KCNQ3: variants seen among roughly 807,000 people sequenced by gnomAD.
KCNQ3 encodes the protein potassium voltage-gated channel subfamily Q member 3.
In KCNQ3, 30 loss-of-function variants were observed where a neutral mutation model predicts 92.5. The ratio of observed to expected loss-of-function variants is 0.32; its 90% confidence interval spans 0.24 to 0.44. The LOEUF (loss-of-function observed/expected upper bound fraction) is 0.44, where lower values mean the gene tolerates loss of function less well. Among genes scored for constraint, KCNQ3 ranks in the 20% least tolerant of loss-of-function variants. The pLI is 1.00. For synonymous variants in KCNQ3, 450 were observed against 468.8 expected (o/e 0.96, Z 0.52); for missense variants, 913 against 1,140.3 (o/e 0.80, Z 2.87).
intron 9 of KCNQ3, 140 bp from the exon 10 acceptor site, chr8:132,141,471 C>T: frequency 1.3e-6 from 1 of 789,636 alleles, no homozygotes. Flanking sequence ...TCTGACTCAG[C>T]AGCTTGGAAT....
chr8:132,260,147 A>G (rs990173766), intron 1 of KCNQ3, among the ~76,000 whole-genome samples: 1 of 152,184 alleles, frequency 6.6e-6, no homozygotes, highest in African/African-American at 2.4e-5. Context: ...ACCATGATCA[A>G]CTGGCTTCAA....
rs1396302862 is a variant in KCNQ3 at position 132,388,014 on chromosome 8, GGAAGAGGAAGAAGAA to G, written c.386+92118_386+92132del. Among the ~76,000 whole-genome samples, 4 of 143,878 alleles carry G rather than the reference GGAAGAGGAAGAAGAA, an allele frequency of 2.8e-5. No individual in the cohort carries two copies. The East Asian group carries it at 6.0e-4, about 22-fold the overall frequency. 94.4% of individuals were successfully genotyped at this position (143,878 alleles called of 152,430 possible). On this transcript the variant is annotated intron_variant, in intron 1 of 14. Coordinates refer to ENST00000388996, the MANE Select transcript of KCNQ3 (RefSeq NM_004519.4). ...AAGAGGAAGAAGAAGAAGAGGAAGAGGAAGAGGAAGAAGAAGAAGAGGAAGAGGAAGAAGAAGAAG... is the reference window on the plus strand; with the variant it reads ...AAGAGGAAGAAGAAGAAGAGGAAGAGGAAGAGGAAGAGGAAGAAGAAGAAG...
intron 1 of KCNQ3, among the ~76,000 whole-genome samples, chr8:132,393,967 A>G (rs1820119076): frequency 6.6e-6 from 1 of 152,202 alleles, no homozygotes; most frequent in South Asian, 2.1e-4. Flanking sequence ...AGGGTTTGCC[A>G]GCTACCTACT....
intron 1 of KCNQ3, among the ~76,000 whole-genome samples, chr8:132,354,448 G>A (rs1281530272): frequency 1.3e-5 from 2 of 152,138 alleles, no homozygotes; most frequent in Admixed American, 6.5e-5. Context: ...CAAAACAGGG[G>A]GCATTAGTTA....
chr8:132,128,075 T>A lies in KCNQ3; in HGVS notation c.*1187A>T, dbSNP rs1350351114. On this transcript the variant is annotated 3_prime_UTR_variant, in exon 15 of 15. Transcript: ENST00000388996. ...TTTGCAATAAAAGTGGAAATCCCCC[T>A]CCTGCTGGATAAACTGGGTGCTTTC... 1 of 152,182 alleles carries A rather than the reference T, an allele frequency of 6.6e-6. No individual in the cohort carries two copies. The highest frequency in any genetic ancestry group is 6.5e-5 in the Admixed American group (1 of 15,282). The allele number at this position is 152,182 out of a possible 1,614,324, so 9.4% of individuals were successfully genotyped here. A position where few individuals can be genotyped will look rare whatever the true frequency, so the allele number is the denominator to read the frequency against.
intron 1 of KCNQ3, among the ~76,000 whole-genome samples, chr8:132,267,004 A>G (rs953959354): frequency 6.6e-6 from 1 of 152,196 alleles, no homozygotes; most frequent in Non-Finnish European, 1.5e-5. Context: ...AAGGCTAAAG[A>G]AAACATTTTC....
At chr8:132,458,288 C>T (rs1341132929) in intron 1 of KCNQ3, among the ~76,000 whole-genome samples, 1 of 152,200 alleles carries the variant, frequency 6.6e-6, no homozygotes, top group African/African-American at 2.4e-5. Context: ...AAATAAACAC[C>T]TTCCCATCAT....
intron 9 of KCNQ3, among the ~76,000 whole-genome samples, chr8:132,143,005 C>T (rs893692087): frequency 2.0e-5 from 3 of 152,104 alleles, no homozygotes; most frequent in African/African-American, 7.2e-5. Context: ...TGCCTACAGT[C>T]CAGCATACGG....
chr8:132,390,822 A>G (rs1186896957), intron 1 of KCNQ3, among the ~76,000 whole-genome samples: 1 of 152,246 alleles, frequency 6.6e-6, no homozygotes, highest in African/African-American at 2.4e-5. Context: ...TGGTATCTTT[A>G]TAATAATAAA....
In KCNQ3 at chr8:132,203,787, G is replaced by A. The variant is rs72719113; in HGVS notation, c.387-17606C>T. ...TCCATTTCTCCATCTGTAAAATAGG[G>A]ATAATAAAATGTTTAGTCTAGTGCT... On this transcript the variant is annotated intron_variant, in intron 1 of 14. Coordinates refer to ENST00000388996, the MANE Select transcript of KCNQ3 (RefSeq NM_004519.4). Among the ~76,000 whole-genome samples, 779 of 152,258 alleles carry A rather than the reference G, an allele frequency of 5.1e-3. 4 individuals carry two copies. Among genetic ancestry groups the A allele is most frequent in the Non-Finnish European group, 9.0e-3 (615 of 68,030 alleles).
intron 8 of KCNQ3, among the ~76,000 whole-genome samples, chr8:132,168,339 A>G (rs1039412561): frequency 9.2e-5 from 14 of 152,220 alleles, no homozygotes; most frequent in Non-Finnish European, 2.1e-4. Flanking sequence ...TCTCTGGCTC[A>G]TCTAGCTTCT....
intron 1 of KCNQ3, among the ~76,000 whole-genome samples, chr8:132,353,516 C>A (rs1818934295): frequency 6.6e-6 from 1 of 152,164 alleles, no homozygotes; most frequent in African/African-American, 2.4e-5. Context: ...GTCTCATTTT[C>A]TCAACTGTAA....
intron 1 of KCNQ3, among the ~76,000 whole-genome samples, chr8:132,225,367 G>A (rs1323031053): frequency 6.6e-6 from 1 of 152,180 alleles, no homozygotes; most frequent in Admixed American, 6.5e-5. Flanking sequence ...TTTTTAGGGA[G>A]TGAGAAGGAG....
chr8:132,163,701 G>A (rs1563781269), intron 8 of KCNQ3, among the ~76,000 whole-genome samples: 2 of 152,182 alleles, frequency 1.3e-5, no homozygotes, highest in Non-Finnish European at 2.9e-5. Context: ...TGGCTCTGAG[G>A]TTTTCAGGGC....
chr8:132,456,464 GGTGT>G lies in KCNQ3; in HGVS notation c.386+23679_386+23682del, dbSNP rs34858367. 6.7e-3 allele frequency among the ~76,000 whole-genome samples: 997 copies of G among 149,414 alleles called. 13 individuals carry two copies. Among genetic ancestry groups the G allele is most frequent in the Non-Finnish European group, 0.011 (732 of 67,186 alleles). On this transcript the variant is annotated intron_variant, in intron 1 of 14. Transcript: ENST00000388996. Reference sequence around the variant, plus strand: ...CAAACACCAGGGCTCGGGGATTGAGGGTGTGTGTGTGTGTGTGTGTGCAGTTTGT... The same window carrying G: ...CAAACACCAGGGCTCGGGGATTGAGGGTGTGTGTGTGTGTGTGCAGTTTGT...
intron 1 of KCNQ3, among the ~76,000 whole-genome samples, chr8:132,452,400 C>G (rs137935938): frequency 6.6e-6 from 1 of 152,304 alleles, no homozygotes; most frequent in Non-Finnish European, 1.5e-5. Context: ...AGGGTTCATC[C>G]ATGTTGTAAC....
chr8:132,364,313 C>T (rs768829621), intron 1 of KCNQ3, among the ~76,000 whole-genome samples: 3 of 152,286 alleles, frequency 2.0e-5, no homozygotes, highest in Non-Finnish European at 2.9e-5. Context: ...GAGACCACCC[C>T]AATCTAGGGC....
intron 1 of KCNQ3, among the ~76,000 whole-genome samples, chr8:132,247,628 C>T (rs61254000): frequency 1.3e-5 from 2 of 151,838 alleles, no homozygotes; most frequent in African/African-American, 4.8e-5. Flanking sequence ...AACCCCATCT[C>T]TACTAAAAAT....
chr8:132,273,292 G>A lies in KCNQ3; in HGVS notation c.387-87111C>T, dbSNP rs143615253. On this transcript the variant is annotated intron_variant, in intron 1 of 14. Transcript: ENST00000388996. ...AATTCTTGACTTCTGTGCACCCACA[G>A]GCTCAACATCATGTGGAAGCTGCCA... Among the ~76,000 whole-genome samples the A allele has an allele frequency of 7.0e-3, 1,060 of 152,338 alleles. 7 individuals carry two copies. The highest frequency in any genetic ancestry group is 0.012 in the Non-Finnish European group (807 of 68,028).
Sources: allele counts gnomAD v4.1 joint callset (sites outside exome capture counted in the v4.1 genomes callset), GRCh38; gene constraint gnomAD v4.1.1; transcripts MANE v1.5; gene names NCBI Gene and HGNC (gene_info 2026-07-23, HGNC 2026-07-21).